Variants in ODR4 observed in about 807,000 individuals in gnomAD.
The protein encoded by ODR4 is odr-4 GPCR localization factor homolog, also known as protein odr-4 homolog.
ODR4 carries 47 observed loss-of-function variants against 60.2 expected under a neutral mutation model. The observed-to-expected ratio is 0.78, with a 90% CI of 0.62 to 1.00. ODR4 has a LOEUF of 1.00. ODR4 is among the 50% of genes least tolerant of loss of function. The pLI is 0.00. For missense variants in ODR4, 488 were observed against 530.8 expected (o/e 0.92, Z 0.79); for synonymous variants, 178 against 175.5 (o/e 1.01, Z -0.11).
At chr1:186,380,381 A>C (rs532988538) in intron 2 of ODR4, among the ~76,000 whole-genome samples, 1 of 152,132 alleles carries the variant, frequency 6.6e-6, no homozygotes, top group East Asian at 1.9e-4. Flanking sequence ...TTGTTGTTGG[A>C]TCAATAGGGA....
At position 186,416,792 on chromosome 1, in the gene ODR4, G is replaced by A. The variant is rs1661586984; in HGVS notation, c.1187-752G>A. ...AATCACTTGAACCTGGGAGGCAGAGGTTGCAGTGAGCTGAGATCATGCCAC... is the reference window on the plus strand; with the variant it reads ...AATCACTTGAACCTGGGAGGCAGAGATTGCAGTGAGCTGAGATCATGCCAC... On this transcript the variant is annotated intron_variant, in intron 12 of 13. Transcript: ENST00000287859. 2.1e-5 allele frequency among the ~76,000 whole-genome samples: 3 copies of A among 145,352 alleles called. 1 individual carries two copies. Among genetic ancestry groups the A allele is most frequent in the African/African-American group, 7.5e-5 (3 of 39,768 alleles).
At chr1:186,396,572 G>GT (rs1174262312) in intron 9 of ODR4, among the ~76,000 whole-genome samples, 2 of 152,116 alleles carry the variant, frequency 1.3e-5, no homozygotes, top group Non-Finnish European at 2.9e-5. Context: ...TAGCATCACT[G>GT]TACTCTAGGC....
intron 11 of ODR4, among the ~76,000 whole-genome samples, chr1:186,400,236 C>T (rs542011381): frequency 5.3e-5 from 8 of 151,308 alleles, no homozygotes; most frequent in African/African-American, 1.5e-4. Context: ...GTGATCCGCC[C>T]GTCTCGGCCT....
At chr1:186,377,872 C>T (rs955004647) in intron 1 of ODR4, among the ~76,000 whole-genome samples, 3 of 152,178 alleles carry the variant, frequency 2.0e-5, no homozygotes, top group Admixed American at 1.3e-4. Flanking sequence ...GGTGAAACCC[C>T]GTCTCTACTA....
intron 11 of ODR4, among the ~76,000 whole-genome samples, chr1:186,402,344 C>CTTTCCT (rs1180916732): frequency 4.7e-5 from 7 of 148,996 alleles, no homozygotes; most frequent in Non-Finnish European, 1.0e-4. Context: ...ACTTCCTCTC[C>CTTTCCT]TTTCCTTTTC....
chr1:186,384,029 A>T (rs191588629), intron 3 of ODR4, among the ~76,000 whole-genome samples: 1 of 152,132 alleles, frequency 6.6e-6, no homozygotes, highest in Non-Finnish European at 1.5e-5. Context: ...ACAAAGCGAG[A>T]CTCTGTCTCA....
At chr1:186,387,241 A>T (rs1029662634) in intron 4 of ODR4, among the ~76,000 whole-genome samples, 2 of 152,164 alleles carry the variant, frequency 1.3e-5, no homozygotes, top group African/African-American at 4.8e-5. Flanking sequence ...GAAAATGGAG[A>T]TATTCTCCTC....
chr1:186,387,846 A>G (rs1187943819), intron 4 of ODR4, among the ~76,000 whole-genome samples: 1 of 152,170 alleles, frequency 6.6e-6, no homozygotes, highest in Non-Finnish European at 1.5e-5. Flanking sequence ...TATAATTCTT[A>G]TTTCTGACAC....
Position 186,391,741 on chromosome 1 carries a change from T to C in ODR4, c.661T>C (p.Leu221=), listed in dbSNP as rs760953586. 6.2e-7 allele frequency: 1 copy of C among 1,605,346 alleles called. No individual in the cohort carries two copies. Among genetic ancestry groups the C allele is most frequent in the East Asian group, 2.2e-5 (1 of 44,704 alleles). The change falls in exon 8 of 14, where the codon TTG becomes CTG. Residue 221 remains leucine, a synonymous_variant. Transcript: ENST00000287859. ...CAAGGAAATAGAAAATGGTGTTTAT[T>C]TGATTAATGGACAAGTTAAAGATGA... is the stretch of plus-strand genomic sequence containing the variant. ...WAKEIENGVY[L]INGQVKDEDC... is the part of the protein sequence containing the mutation.
chr1:186,384,572 GACACACACACACAC>G (rs368870659), intron 3 of ODR4, among the ~76,000 whole-genome samples: 2 of 129,548 alleles, frequency 1.5e-5, no homozygotes, highest in African/African-American at 2.7e-5. Flanking sequence ...AATTGTATAT[GACACACACACACAC>G]ACACACACAC....
chr1:186,377,921 T>C (rs1659851863), intron 1 of ODR4, among the ~76,000 whole-genome samples: 1 of 152,068 alleles, frequency 6.6e-6, no homozygotes, highest in Non-Finnish European at 1.5e-5. Flanking sequence ...GGCGGGTGCC[T>C]GTAGTCCCAG....
rs142853414 is a variant in ODR4, at chr1:186,383,320, C to T, written c.234+164C>T. 4.6e-5 allele frequency among the ~76,000 whole-genome samples: 7 copies of T among 151,998 alleles called. No homozygotes were observed. The East Asian group carries it at 9.7e-4, about 21-fold the overall frequency. ...CTAGGAGGATACTGTTGGCATTACA[C>T]GAGGAAGAAACAGATTTGGGATGGG... On this transcript the variant is annotated intron_variant, in intron 3 of 13. Transcript: ENST00000287859.
chr1:186,425,716 G>C (rs549634370), downstream of ODR4, among the ~76,000 whole-genome samples: 2 of 152,224 alleles, frequency 1.3e-5, no homozygotes, highest in African/African-American at 4.8e-5. Context: ...TGAGGCACTG[G>C]CTTAAATATT....
Position 186,421,189 on chromosome 1 carries a change from A to G in ODR4, c.*2113A>G, listed in dbSNP as rs574308106. The G allele has an allele frequency of 1.3e-5, 2 of 152,344 alleles. No individual in the cohort carries two copies. Among genetic ancestry groups the G allele is most frequent in the African/African-American group, 2.4e-5 (1 of 41,590 alleles). The allele number at this position is 152,344 out of a possible 1,614,324, so 9.4% of individuals were successfully genotyped here. A position where few individuals can be genotyped will look rare whatever the true frequency, so the allele number is the denominator to read the frequency against. ...AGCACAAATTCAGTAAAGAGACTAC[A>G]AAAGGATGATCTTCAAGAAGGGAAA... On this transcript the variant is annotated 3_prime_UTR_variant, in exon 14 of 14. Coordinates refer to ENST00000287859, the MANE Select transcript of ODR4 (RefSeq NM_017847.6).
the ODR4 span, among the ~76,000 whole-genome samples, chr1:186,433,783 T>C: frequency 6.6e-6 from 1 of 152,120 alleles, no homozygotes; most frequent in Admixed American, 6.6e-5. Flanking sequence ...TTTCGCCATG[T>C]TGCCAGGCTG....
In ODR4 at chr1:186,382,249, T is replaced by TG. The variant is rs1412382594; in HGVS notation, c.100-773_100-772insG. 3.8e-5 allele frequency among the ~76,000 whole-genome samples: 3 copies of TG among 79,950 alleles called. No individual in the cohort carries two copies. In the East Asian group the frequency reaches 9.3e-4, roughly 25 times the overall value. 52.5% of individuals were successfully genotyped at this position (79,950 alleles called of 152,430 possible). A position where few individuals can be genotyped will look rare whatever the true frequency, so the allele number is the denominator to read the frequency against. ...GCAAGACTCTGTCTCTACAAAAAAG[T>TG]AAAAAAAAAAAAAAAAAAAAGCCAG... is the stretch of plus-strand genomic sequence containing the variant. On this transcript the variant is annotated intron_variant, in intron 2 of 13. Transcript: ENST00000287859.
chr1:186,397,010 G>A (rs995276905), intron 9 of ODR4, among the ~76,000 whole-genome samples: 2 of 151,808 alleles, frequency 1.3e-5, no homozygotes, highest in African/African-American at 4.8e-5. Context: ...TATCAGCATC[G>A]TCACACTGCT....
intron 11 of ODR4, among the ~76,000 whole-genome samples, chr1:186,405,866 C>G (rs1661155630): frequency 6.6e-6 from 1 of 152,030 alleles, no homozygotes; most frequent in Non-Finnish European, 1.5e-5. Context: ...GTTTATTTTT[C>G]ATAGGAGTAT....
chr1:186,388,523 C>A lies in ODR4; in HGVS notation c.412C>A (p.Leu138Ile). The A allele has an allele frequency of 6.4e-7, 1 of 1,555,482 alleles. No individual in the cohort carries two copies. The highest frequency in any genetic ancestry group is 1.4e-5 in the African/African-American group (1 of 73,198). The change falls in exon 5 of 14, where the codon CTT becomes ATT. Residue 138 changes from leucine to isoleucine, a missense_variant. Coordinates refer to ENST00000287859, the MANE Select transcript of ODR4 (RefSeq NM_017847.6). ...GGAGGAAGTCTCAGAACGAGTGACA[C>A]TTCACATTTGTGCTTCTACAAAAAA... ...TEEEVSERVT[L>I]HICASTKKIF...
Sources: allele counts gnomAD v4.1 joint callset (sites outside exome capture counted in the v4.1 genomes callset), GRCh38; gene constraint gnomAD v4.1.1; transcripts MANE v1.5; gene names NCBI Gene and HGNC (gene_info 2026-07-23, HGNC 2026-07-21).